The following SCLT1 variants were observed in gnomAD, a reference collection of about 807,000 sequenced individuals.
SCLT1 encodes sodium channel-associated protein 1.
Under a neutral mutation model 112.8 loss-of-function variants are expected in SCLT1, and 78 were observed. The ratio of observed to expected loss-of-function variants is 0.69; its 90% CI spans 0.58 to 0.83. The LOEUF (loss-of-function observed/expected upper bound fraction) is 0.83, where lower values mean the gene tolerates loss of function less well. Among genes scored for constraint, SCLT1 ranks in the 40% least tolerant of loss-of-function variants. The pLI is 0.00. For synonymous variants in SCLT1, 257 were observed against 254.7 expected (o/e 1.01, Z -0.09); for missense variants, 747 against 770.4 (o/e 0.97, Z 0.36).
Position 128,928,368 on chromosome 4 carries a change from C to T in SCLT1, c.1829+8287G>A, listed in dbSNP as rs145867842. Among the ~76,000 whole-genome samples, 236 of 152,152 alleles carry T rather than the reference C, an allele frequency of 1.6e-3. 2 individuals are homozygous for T. The highest frequency in any genetic ancestry group is 0.013 in the East Asian group (70 of 5,190). On this transcript the variant is annotated intron_variant, in intron 18 of 20. Transcript: ENST00000281142. Reference sequence around the variant, plus strand: ...AGATAAAAATATATTAAATAAAATTCTAACAAATCAAATCCAGAAATATAT... The same window carrying T: ...AGATAAAAATATATTAAATAAAATTTTAACAAATCAAATCCAGAAATATAT...
At chr4:128,875,596 A>C (rs1477016117) in intron 4 of SCLT1, among the ~76,000 whole-genome samples, 1 of 152,208 alleles carries the variant, frequency 6.6e-6, no homozygotes, top group Non-Finnish European at 1.5e-5. Context: ...TTTAAGCCTC[A>C]GTTTTCCCAG....
downstream of SCLT1, among the ~76,000 whole-genome samples, chr4:128,882,121 G>C (rs137964602): frequency 1.5e-3 from 233 of 152,202 alleles, 2 homozygotes; most frequent in East Asian, 0.014. Context: ...ATTTGCTAGA[G>C]TGTTAGTTTC....
intron 2 of SCLT1, among the ~76,000 whole-genome samples, chr4:129,055,374 A>G (rs1054584254): frequency 1.3e-5 from 2 of 152,226 alleles, no homozygotes; most frequent in Non-Finnish European, 2.9e-5. Context: ...CACTGAAGCT[A>G]CAACCACATT....
At chr4:129,072,479 T>C (rs1645749150) in intron 2 of SCLT1, among the ~76,000 whole-genome samples, 2 of 152,176 alleles carry the variant, frequency 1.3e-5, no homozygotes, top group South Asian at 4.1e-4. Context: ...TCCAGACTTC[T>C]TGGAGGCTTT....
At chr4:128,892,404 T>G (rs1219822357) in intron 18 of SCLT1, among the ~76,000 whole-genome samples, 15 of 152,226 alleles carry the variant, frequency 9.9e-5, no homozygotes, top group East Asian at 9.6e-4. Context: ...GAGAATTAAT[T>G]TGGATTTGGC....
chr4:128,888,318 G>A (rs1008682358), intron 20 of SCLT1, among the ~76,000 whole-genome samples: 7 of 151,682 alleles, frequency 4.6e-5, no homozygotes, highest in Admixed American at 2.0e-4. Flanking sequence ...TTGGGCCCAC[G>A]CCATCCTCCT....
intron 18 of SCLT1, among the ~76,000 whole-genome samples, chr4:128,912,200 A>G (rs912111879): frequency 6.6e-6 from 1 of 152,188 alleles, no homozygotes; most frequent in African/African-American, 2.4e-5. Context: ...GCAATTTATT[A>G]TTAATTAAAG....
intron 5 of SCLT1, among the ~76,000 whole-genome samples, chr4:129,022,810 T>C (rs932174486): frequency 1.3e-5 from 2 of 152,024 alleles, no homozygotes; most frequent in Admixed American, 6.6e-5. Context: ...ACTAAGATAC[T>C]CCTTGAGAAG....
intron 7 of SCLT1, among the ~76,000 whole-genome samples, chr4:128,998,596 A>C (rs1342720153): frequency 6.6e-6 from 1 of 151,900 alleles, no homozygotes; most frequent in Non-Finnish European, 1.5e-5. Flanking sequence ...TGAAAACAAA[A>C]CAAAAACCCA....
intron 18 of SCLT1, among the ~76,000 whole-genome samples, chr4:128,902,468 G>A (rs559263004): frequency 3.3e-5 from 5 of 152,262 alleles, no homozygotes; most frequent in South Asian, 4.1e-4. Flanking sequence ...AGTGAAGACT[G>A]TAAACAATTT....
At chr4:129,085,446 A>T (rs1046621333) in intron 1 of SCLT1, among the ~76,000 whole-genome samples, 1 of 152,214 alleles carries the variant, frequency 6.6e-6, no homozygotes, top group African/African-American at 2.4e-5. Context: ...ATTGTGGAAG[A>T]CAGTGTGGCG....
intron 5 of SCLT1, among the ~76,000 whole-genome samples, chr4:129,016,806 A>G (rs1160773373): frequency 6.6e-6 from 1 of 152,146 alleles, no homozygotes; most frequent in African/African-American, 2.4e-5. Flanking sequence ...CCTTTGCCTT[A>G]TAAGTTTTTC....
chr4:129,001,466 AT>A (rs1743479307), intron 6 of SCLT1, among the ~76,000 whole-genome samples: 2 of 152,108 alleles, frequency 1.3e-5, no homozygotes, highest in African/African-American at 4.8e-5. Flanking sequence ...CTGATTCCAT[AT>A]TTAAGATTTT....
chr4:129,065,828 CA>C, intron 2 of SCLT1, among the ~76,000 whole-genome samples: 1 of 152,156 alleles, frequency 6.6e-6, no homozygotes, highest in East Asian at 1.9e-4. Flanking sequence ...AGCAATTTCA[CA>C]ACAATTTATT....
chr4:129,059,433 C>T (rs377374819), intron 2 of SCLT1, among the ~76,000 whole-genome samples: 6 of 152,210 alleles, frequency 3.9e-5, no homozygotes, highest in South Asian at 4.1e-4. Context: ...ATTTCTCCTT[C>T]GTGTATCTGC....
intron 4 of SCLT1, chr4:128,874,788 T>C (rs1018609960): frequency 1.2e-4 from 18 of 152,758 alleles, no homozygotes; most frequent in African/African-American, 4.3e-4. Context: ...TCTTTGATTA[T>C]GATTAATGTA....
At chr4:129,014,054 T>C (rs140866182) in intron 5 of SCLT1, among the ~76,000 whole-genome samples, 121 of 152,340 alleles carry the variant, frequency 7.9e-4, no homozygotes, top group African/African-American at 2.8e-3. Context: ...GTTTCAGAAA[T>C]CCAGTCTTCA....
intron 9 of SCLT1, among the ~76,000 whole-genome samples, chr4:128,988,381 T>A (rs1175032728): frequency 6.6e-6 from 1 of 152,066 alleles, no homozygotes; most frequent in Non-Finnish European, 1.5e-5. Flanking sequence ...TCTCTTTGCT[T>A]ATTTTTCTTT....
intron 9 of SCLT1, among the ~76,000 whole-genome samples, chr4:128,982,868 T>A (rs1239325313): frequency 6.6e-6 from 1 of 151,954 alleles, no homozygotes; most frequent in Non-Finnish European, 1.5e-5. Flanking sequence ...AAGGACCCCA[T>A]GCAAATGCTT....
Sources: gnomAD v4.1 joint callset for allele counts (sites outside exome capture counted in the v4.1 genomes callset) on GRCh38, gnomAD v4.1.1 for gene constraint, MANE v1.5 for transcripts, NCBI Gene and HGNC (gene_info 2026-07-23, HGNC 2026-07-21) for gene names.